Variants in MAP3K3 observed in about 807,000 individuals in gnomAD.
The protein encoded by MAP3K3 is MAP/ERK kinase kinase 3.
MAP3K3 carries 12 observed loss-of-function variants against 80.9 expected under a neutral mutation model. That is an observed-to-expected ratio of 0.15 (90% CI 0.10 to 0.24). The LOEUF (loss-of-function observed/expected upper bound fraction) is 0.24, where lower values mean the gene tolerates loss of function less well. Among genes scored for constraint, MAP3K3 ranks in the 10% least tolerant of loss-of-function variants. The pLI, the probability that MAP3K3 is intolerant of heterozygous loss-of-function variation, is 1.00. For synonymous variants in MAP3K3, 272 were observed against 307.1 expected (o/e 0.89, Z 1.19); for missense variants, 596 against 834.7 (o/e 0.71, Z 3.52).
chr17:63,680,588 A>G (rs1424285096), intron 6 of MAP3K3, among the ~76,000 whole-genome samples: 1 of 152,138 alleles, frequency 6.6e-6, no homozygotes, highest in Non-Finnish European at 1.5e-5. Context: ...AGGAAGGAGG[A>G]CCTGATTTCT....
At position 63,650,658 on chromosome 17, in the gene MAP3K3, T is replaced by G. The variant is rs1030128963; in HGVS notation, c.168-1899T>G. Among the ~76,000 whole-genome samples the G allele has an allele frequency of 1.1e-3, 129 of 117,272 alleles. 1 individual carries two copies. The highest frequency in any genetic ancestry group is 3.3e-3 in the African/African-American group (99 of 30,386). 76.9% of individuals were successfully genotyped at this position (117,272 alleles called of 152,430 possible). A position where few individuals can be genotyped will look rare whatever the true frequency, so the allele number is the denominator to read the frequency against. On this transcript the variant is annotated intron_variant, in intron 3 of 15. Coordinates refer to ENST00000361733, the MANE Select transcript of MAP3K3 (RefSeq NM_002401.5). ...AGACCTTCTCTCTCTCTGTCTCTTA[T>G]AGAGAGAGAGAGAGAGAGAGAGAGA...
chr17:63,689,264 C>T lies in MAP3K3; in HGVS notation c.872-280C>T. Reference sequence around the variant, plus strand: ...AAGCAATTGGGAGCCTGTTGGCCAGCCATACACCTTCCCTTTGGCCAGATC... The same window carrying T: ...AAGCAATTGGGAGCCTGTTGGCCAGTCATACACCTTCCCTTTGGCCAGATC... On this transcript the variant is annotated intron_variant, in intron 10 of 15. Coordinates refer to ENST00000361733, the MANE Select transcript of MAP3K3 (RefSeq NM_002401.5). This position sits in a 1 kb window ranked among gnomAD's most constrained non-coding sequence, Gnocchi z 4.3. 1.8e-6 allele frequency: 1 copy of T among 541,918 alleles called. No homozygotes were observed. Among genetic ancestry groups the T allele is most frequent in the Non-Finnish European group, 3.3e-6 (1 of 303,558 alleles). 33.6% of individuals were successfully genotyped at this position (541,918 alleles called of 1,614,324 possible). A position where few individuals can be genotyped will look rare whatever the true frequency, so the allele number is the denominator to read the frequency against.
In MAP3K3 at chr17:63,681,780, G is replaced by T; in HGVS notation, c.517G>T (p.Gly173Cys). Residue 173 changes from glycine (G) to cysteine (C), a missense_variant, in exon 7 of 16, where the codon GGC becomes TGC. Gly to Cys is a radical substitution (Grantham distance 159). Transcript: ENST00000361733. ...RHLSVSSQNPGRSSPPPGYVP... is the reference protein window; with the variant it reads ...RHLSVSSQNPCRSSPPPGYVP... ...ATGTGCTCTAGGCTCCCAGAACCCTGGCCGAAGCTCACCTCCCCCTGGCTA... is the reference window on the plus strand; with the variant it reads ...ATGTGCTCTAGGCTCCCAGAACCCTTGCCGAAGCTCACCTCCCCCTGGCTA... The T allele has an allele frequency of 6.6e-7, 1 of 1,515,884 alleles. No individual in the cohort carries two copies. Among genetic ancestry groups the T allele is most frequent in the Non-Finnish European group, 8.9e-7 (1 of 1,126,342 alleles). The allele number at this position is 1,515,884 out of a possible 1,614,324, so 93.9% of individuals were successfully genotyped here. A position where few individuals can be genotyped will look rare whatever the true frequency, so the allele number is the denominator to read the frequency against.
In MAP3K3 at chr17:63,622,566, C is replaced by A. The variant is rs1221354175; in HGVS notation, c.-194C>A. On this transcript the variant is annotated 5_prime_UTR_variant, in exon 1 of 16. Transcript: ENST00000361733. ...CCCGGGATGTAGCGGGCCACCCTGC[C>A]GATGCCACAGCGCCCGGCCGCGGGC... 1 of 154,384 alleles carries A rather than the reference C, an allele frequency of 6.5e-6. No homozygotes were observed. Among genetic ancestry groups the A allele is most frequent in the Non-Finnish European group, 1.4e-5 (1 of 70,558 alleles). 9.6% of individuals were successfully genotyped at this position (154,384 alleles called of 1,614,324 possible). A position where few individuals can be genotyped will look rare whatever the true frequency, so the allele number is the denominator to read the frequency against.
chr17:63,681,001 AATGAGGT>A lies in MAP3K3; in HGVS notation c.503-764_503-758del, dbSNP rs1386972049. Among the ~76,000 whole-genome samples, 3 of 152,044 alleles carry A rather than the reference AATGAGGT, an allele frequency of 2.0e-5. No individual in the cohort carries two copies. The East Asian group carries it at 5.8e-4, about 29-fold the overall frequency. ...TCTGTTGTAGAGATGTTGAAAATCA[AATGAGGT>A]TAATTACTGTGAATGTGTAACAAAA... On this transcript the variant is annotated intron_variant, in intron 6 of 15. Transcript: ENST00000361733.
intron 2 of MAP3K3, among the ~76,000 whole-genome samples, chr17:63,644,587 A>C (rs2143282792): frequency 6.6e-6 from 1 of 152,352 alleles, no homozygotes; most frequent in Non-Finnish European, 1.5e-5. Context: ...AAATACCAAT[A>C]GATATAATCC....
At chr17:63,675,485 G>T (rs2035199764) in intron 6 of MAP3K3, among the ~76,000 whole-genome samples, 1 of 152,192 alleles carries the variant, frequency 6.6e-6, no homozygotes, top group South Asian at 2.1e-4. Flanking sequence ...CTGAGAGCCT[G>T]TCGTTCAGCT....
At chr17:63,634,047 A>C (rs1258915003) in intron 2 of MAP3K3, among the ~76,000 whole-genome samples, 2 of 152,210 alleles carry the variant, frequency 1.3e-5, no homozygotes, top group African/African-American at 4.8e-5. Context: ...CAGAAGGATT[A>C]GTTTAAAAAG....
intron 2 of MAP3K3, among the ~76,000 whole-genome samples, chr17:63,633,622 A>G (rs535106309): frequency 2.6e-5 from 4 of 152,322 alleles, no homozygotes; most frequent in Non-Finnish European, 5.9e-5. Flanking sequence ...TCTTTAGGAA[A>G]ACATTGCCTA....
intron 2 of MAP3K3, among the ~76,000 whole-genome samples, chr17:63,640,998 A>G (rs1457824429): frequency 6.6e-6 from 1 of 152,216 alleles, no homozygotes; most frequent in Non-Finnish European, 1.5e-5. Flanking sequence ...AACATCTACC[A>G]TACTACCCCT....
At position 63,625,241 on chromosome 17, in the gene MAP3K3, A is replaced by G. The variant is rs112707255; in HGVS notation, c.4+2478A>G. On this transcript the variant is annotated intron_variant, in intron 1 of 15. Coordinates refer to ENST00000361733, the MANE Select transcript of MAP3K3 (RefSeq NM_002401.5). ...GATTTTATATTGTCTGTTAGCCCCA[A>G]TGAATTTCTAGTGGAAATTATTTAT... Among the ~76,000 whole-genome samples, 109 of 152,322 alleles carry G rather than the reference A, an allele frequency of 7.2e-4. 2 individuals carry two copies. Among genetic ancestry groups the G allele is most frequent in the Middle Eastern group, 3.4e-3 (1 of 294 alleles).
In MAP3K3 at chr17:63,666,999, C is replaced by A; in HGVS notation, c.441C>A (p.Ser147=). Residue 147 remains serine (S), a synonymous_variant, in exon 6 of 16, where the codon TCC becomes TCA. Transcript: ENST00000361733. ...SRQVRIKASQ[S]AGDINTIYQP... is the part of the protein sequence containing the mutation. ...AGGTGCGGATCAAGGCTTCCCAGTC[C>A]GCAGGGGATATAAATACTATCTACC... is the stretch of plus-strand genomic sequence containing the variant. 1 of 1,612,952 alleles carries A rather than the reference C, an allele frequency of 6.2e-7. No individual in the cohort carries two copies. Among genetic ancestry groups the A allele is most frequent in the African/African-American group, 1.3e-5 (1 of 74,920 alleles).
At position 63,692,908 on chromosome 17, in the gene MAP3K3, G is replaced by A. The variant is rs2035622549; in HGVS notation, c.1652+489G>A. ...AATCCCTGGATCTGTAAATGTGATT[G>A]TATATAGCAAAGGGCCTTTGCAGAT... On this transcript the variant is annotated intron_variant, in intron 15 of 15. Transcript: ENST00000361733. The surrounding 1 kb of genome is among the most constrained non-coding windows in gnomAD (Gnocchi z 4.5). 6.6e-6 allele frequency among the ~76,000 whole-genome samples: 1 copy of A among 152,228 alleles called. No individual in the cohort carries two copies. The highest frequency in any genetic ancestry group is 2.4e-5 in the African/African-American group (1 of 41,448).
At position 63,690,393 on chromosome 17, in the gene MAP3K3, A is replaced by T; in HGVS notation, c.1193A>T (p.Asp398Val). 6.2e-7 allele frequency: 1 copy of T among 1,614,100 alleles called. No homozygotes were observed. Among genetic ancestry groups the T allele is most frequent in the South Asian group, 1.1e-5 (1 of 91,082 alleles). The stretch of plus-strand genomic sequence containing the variant: ...TCCAAGCAGGTCCAATTTGATCCAG[A>T]CAGTCCTGAGACAAGCAAGGTACAC... ...LASKQVQFDP[D>V]SPETSKEVSA... is the part of the protein sequence containing the mutation. The change falls in exon 12 of 16, where the codon GAC (aspartate) becomes GTC (valine). Residue 398 changes from aspartate (D) to valine (V), a missense_variant. By Grantham distance (152) the Asp-to-Val change is radical (BLOSUM62 -3). Coordinates refer to ENST00000361733, the MANE Select transcript of MAP3K3 (RefSeq NM_002401.5).
chr17:63,625,415 G>A (rs2034080625), intron 1 of MAP3K3, among the ~76,000 whole-genome samples: 2 of 152,108 alleles, frequency 1.3e-5, no homozygotes, highest in Admixed American at 1.3e-4. Context: ...TAATACCTGA[G>A]ATTGTTTATG....
At chr17:63,631,113 C>T (rs1050624453) in intron 1 of MAP3K3, among the ~76,000 whole-genome samples, 6 of 152,060 alleles carry the variant, frequency 3.9e-5, no homozygotes, top group African/African-American at 1.4e-4. Flanking sequence ...ATGGTGAAAC[C>T]CTCGCTCAAT....
chr17:63,658,784 G>C (rs1468024331), intron 5 of MAP3K3, among the ~76,000 whole-genome samples: 3 of 150,894 alleles, frequency 2.0e-5, no homozygotes, highest in African/African-American at 7.4e-5. Context: ...GCCCAGGCTG[G>C]AATGCAATGG....
chr17:63,685,215 G>T (rs1392079948), intron 7 of MAP3K3, among the ~76,000 whole-genome samples: 1 of 152,150 alleles, frequency 6.6e-6, no homozygotes, highest in African/African-American at 2.4e-5. Context: ...CATCTCCAGC[G>T]CCAGGCTCCA....
intron 4 of MAP3K3, 141 bp downstream of exon 4, chr17:63,652,797 A>G: frequency 1.6e-6 from 1 of 616,352 alleles, no homozygotes. Flanking sequence ...TCTTAATTCC[A>G]ACAACTGTGG....
Sources: allele counts gnomAD v4.1 joint callset (sites outside exome capture counted in the v4.1 genomes callset), GRCh38; gene constraint gnomAD v4.1.1; non-coding constraint Gnocchi (gnomAD v3.1); transcripts MANE v1.5; gene names NCBI Gene and HGNC (gene_info 2026-07-23, HGNC 2026-07-21).